The following INF2 variants were observed in gnomAD, a reference collection of about 807,000 sequenced individuals.
INF2 encodes the protein inverted formin 2, also known as inverted formin-2.
Under a neutral mutation model 123.5 loss-of-function variants are expected in INF2, and 43 were observed. The ratio of observed to expected loss-of-function variants is 0.35; its 90% confidence interval spans 0.27 to 0.45. The LOEUF is 0.45. Among genes scored for constraint, INF2 ranks in the 20% least tolerant of loss-of-function variants. The pLI, the probability that INF2 is intolerant of heterozygous loss-of-function variation, is 1.00. For missense variants in INF2, 1,453 were observed against 1,682.7 expected, an observed-to-expected ratio of 0.86 and a Z score of 2.39; for synonymous variants, 851 against 745.0, an observed-to-expected ratio of 1.14 and a Z score of -2.32.
chr14:104,683,155 TG>T (rs1355954593), intron 1 of INF2, among the ~76,000 whole-genome samples: 3 of 40,846 alleles, frequency 7.3e-5, no homozygotes, highest in Non-Finnish European at 1.5e-4. Flanking sequence ...CACAGAGACC[TG>T]GGGGAGGGGT....
At position 104,718,134 on chromosome 14, in the gene INF2, GT is replaced by G. The variant is rs1484146047; in HGVS notation, c.*2-657del. Among the ~76,000 whole-genome samples the G allele has an allele frequency of 2.6e-5, 4 of 152,358 alleles. No individual in the cohort carries two copies. In the East Asian group the frequency reaches 7.7e-4, roughly 29 times the overall value. On this transcript the variant is annotated intron_variant, in intron 22 of 22. Transcript: ENST00000392634. ...TGAGTGATTGTTTTGGATAGTTTTT[GT>G]TTTCTTGCTGTCTGTTTAGAGTAGT...
intron 4 of INF2, among the ~76,000 whole-genome samples, chr14:104,703,658 C>T (rs1036984865): frequency 2.6e-5 from 4 of 152,220 alleles, no homozygotes; most frequent in Non-Finnish European, 5.9e-5. Context: ...AACCCTGGAC[C>T]GTTCTCATTT....
At chr14:104,701,829 C>A in intron 2 of INF2, 73 bp downstream of exon 2, 3 of 1,416,020 alleles carry the variant, frequency 2.1e-6, no homozygotes, top group Admixed American at 2.9e-5. Context: ...CCCAAAAGGC[C>A]CCGGGAGGCC....
chr14:104,694,587 C>T (rs757128720), intron 1 of INF2, among the ~76,000 whole-genome samples: 4 of 152,206 alleles, frequency 2.6e-5, no homozygotes, highest in Admixed American at 1.3e-4. Context: ...TTGACACACT[C>T]ATCCGCATTT....
upstream of INF2, among the ~76,000 whole-genome samples, chr14:104,685,201 A>C (rs1444279942): frequency 2.0e-5 from 3 of 152,126 alleles, no homozygotes; most frequent in Non-Finnish European, 4.4e-5. Flanking sequence ...CAAGCCCCTG[A>C]CTGACTGCCC....
intron 1 of INF2, chr14:104,690,602 A>C (rs1888897315): frequency 6.5e-6 from 1 of 152,880 alleles, no homozygotes; most frequent in African/African-American, 2.4e-5. Flanking sequence ...GGAACCCAGG[A>C]ACCGGGCCAG....
intron 20 of INF2, among the ~76,000 whole-genome samples, 175 bp from the exon 21 acceptor site, chr14:104,714,028 C>CA (rs1340955682): frequency 1.3e-5 from 2 of 152,220 alleles, no homozygotes; most frequent in African/African-American, 4.8e-5. Flanking sequence ...CACCCTGCCA[C>CA]AGTGTAGACA....
At chr14:104,710,860 C>T in intron 13 of INF2, 77 bp from the exon 14 acceptor site, 1 of 1,304,820 alleles carries the variant, frequency 7.7e-7, no homozygotes, top group Non-Finnish European at 1.1e-6. Flanking sequence ...CACTGGCAAG[C>T]AGGACCACAC....
intron 4 of INF2, 39 bp from the exon 5 acceptor site, chr14:104,703,877 T>A: frequency 6.2e-7 from 1 of 1,609,974 alleles, no homozygotes; most frequent in Non-Finnish European, 8.5e-7. Context: ...AGGCGGGGAG[T>A]GGCCTCCGAA....
intron 6 of INF2, 38 bp from the exon 7 acceptor site, chr14:104,706,872 G>T (rs1386256677): frequency 1.3e-6 from 2 of 1,596,930 alleles, no homozygotes; most frequent in Non-Finnish European, 8.5e-7. Flanking sequence ...CCAGGGAGGG[G>T]CCGGCTGCTG....
rs958642968 is a variant in INF2, at chr14:104,692,528, C to T, written c.-10+2789C>T. The stretch of plus-strand genomic sequence containing the variant: ...TAGGCTCAGGGTGCTGGCACTGCCA[C>T]TCTGGGAATAGGACAGGCCTGTCCT... On this transcript the variant is annotated intron_variant, in intron 1 of 22. Coordinates refer to ENST00000392634, the MANE Select transcript of INF2 (RefSeq NM_022489.4). 3.8e-4 allele frequency among the ~76,000 whole-genome samples: 58 copies of T among 152,324 alleles called. 1 individual carries two copies. The highest frequency in any genetic ancestry group is 1.3e-3 in the African/African-American group (55 of 41,564).
chr14:104,686,767 G>A (rs1888674537), upstream of INF2, among the ~76,000 whole-genome samples: 2 of 152,216 alleles, frequency 1.3e-5, no homozygotes, highest in Admixed American at 6.5e-5. Context: ...GCTGCATGCA[G>A]GGCTGTCCTG....
At position 104,711,079 on chromosome 14, in the gene INF2, G is replaced by A; in HGVS notation, c.2311G>A (p.Gly771Ser). Residue 771 changes from glycine (G) to serine (S), a missense_variant and splice_region_variant, in exon 15 of 23, where the codon GGC becomes AGC. Gly to Ser is a moderately conservative substitution (Grantham distance 56). Coordinates refer to ENST00000392634, the MANE Select transcript of INF2 (RefSeq NM_022489.4). The stretch of plus-strand genomic sequence containing the variant: ...GAGACTCACTCCCTGCCCCTCCCAG[G>A]GCAGCCACACCGGTGACGCCGACGG... ...ILRIGNFLNYGSHTGDADGFK... is the reference protein window; with the variant it reads ...ILRIGNFLNYSSHTGDADGFK... 1 of 1,601,940 alleles carries A rather than the reference G, an allele frequency of 6.2e-7. No homozygotes were observed. Among genetic ancestry groups the A allele is most frequent in the Non-Finnish European group, 8.5e-7 (1 of 1,175,944 alleles).
rs550424230 is a variant in INF2, at chr14:104,695,518, T to C, written c.-10+5779T>C. 1.3e-4 allele frequency among the ~76,000 whole-genome samples: 18 copies of C among 141,830 alleles called. No individual in the cohort carries two copies. The South Asian group carries it at 3.9e-3, about 31-fold the overall frequency. 93.0% of individuals were successfully genotyped at this position (141,830 alleles called of 152,430 possible). On this transcript the variant is annotated intron_variant, in intron 1 of 22. Coordinates refer to ENST00000392634, the MANE Select transcript of INF2 (RefSeq NM_022489.4). ...CCTCAGTGCAGGTGGAAGCGAGAGCTGGGCTTCCTGGCGTGGGGCCTCCGC... is the reference window on the plus strand; with the variant it reads ...CCTCAGTGCAGGTGGAAGCGAGAGCCGGGCTTCCTGGCGTGGGGCCTCCGC...
intron 1 of INF2, among the ~76,000 whole-genome samples, chr14:104,682,818 C>T (rs547707283): frequency 1.3e-5 from 2 of 152,262 alleles, no homozygotes; most frequent in East Asian, 3.9e-4. Flanking sequence ...CACGTCCCCC[C>T]CGGACAAGTC....
At chr14:104,713,136 G>A in intron 18 of INF2, 71 bp from the exon 19 acceptor site, 3 of 1,596,902 alleles carry the variant, frequency 1.9e-6, no homozygotes, top group Non-Finnish European at 2.6e-6. Context: ...CTCAGGGAGG[G>A]GGACGCCCAG....
At position 104,714,579 on chromosome 14, in the gene INF2, C is replaced by A; in HGVS notation, c.3417C>A (p.Gly1139=). ...CCAAGGATCCCACGTCCTTGCTGGG[C>A]GTCCTCCAGGCCGAGGCCGACAGCA... is the stretch of plus-strand genomic sequence containing the variant. ...QDAKDPTSLL[G]VLQAEADSTS... is the part of the protein sequence containing the mutation. Residue 1139 remains glycine, a synonymous_variant, in exon 21 of 23, where the codon GGC becomes GGA. Transcript: ENST00000392634. 1 of 1,612,616 alleles carries A rather than the reference C, an allele frequency of 6.2e-7. No homozygotes were observed. The highest frequency in any genetic ancestry group is 8.5e-7 in the Non-Finnish European group (1 of 1,179,872).
chr14:104,710,187 A>C lies in INF2; in HGVS notation c.2238A>C (p.Glu746Asp), dbSNP rs535377683. ...CCCAGCTGGTGCTGGCTGCCTGCGA[A>C]AGTGAGTGGGGCCAAGCGGGGCACG... ...PKAQLVLAAC[E>D]SLLTSRQLPI... Residue 746 changes from glutamate to aspartate, a missense_variant and splice_region_variant, in exon 13 of 23, where the codon GAA becomes GAC. This residue lies in a region of INF2 where 192 missense variants were observed against 274.4 expected (regional missense o/e 0.70). Transcript: ENST00000392634. 9.7e-6 allele frequency: 15 copies of C among 1,546,476 alleles called. No individual in the cohort carries two copies. In the East Asian group the frequency reaches 3.7e-4, roughly 38 times the overall value.
chr14:104,709,801 G>A lies in INF2; in HGVS notation c.2138+96G>A, dbSNP rs1285100737. On this transcript the variant is annotated intron_variant, in intron 12 of 22. Transcript: ENST00000392634. Reference sequence around the variant, plus strand: ...GCCCAGCCAGGGAGGAGAAGAGGCTGTGCCAATGGCTGCCCCGGGCTCCAG... The same window carrying A: ...GCCCAGCCAGGGAGGAGAAGAGGCTATGCCAATGGCTGCCCCGGGCTCCAG... 7 of 1,128,082 alleles carry A rather than the reference G, an allele frequency of 6.2e-6. No homozygotes were observed. The East Asian group carries it at 1.4e-4, about 23-fold the overall frequency. 69.9% of individuals were successfully genotyped at this position (1,128,082 alleles called of 1,614,324 possible).
Sources: allele counts gnomAD v4.1 joint callset (sites outside exome capture counted in the v4.1 genomes callset), GRCh38; gene constraint gnomAD v4.1.1; regional missense constraint gnomAD v4.1.1; transcripts MANE v1.5; gene names NCBI Gene and HGNC (gene_info 2026-07-23, HGNC 2026-07-21).